Variants in CCR5AS observed in about 807,000 individuals in gnomAD.
CCR5AS encodes CCR5 antisense RNA.
intron 1 of CCR5AS, among the ~76,000 whole-genome samples, chr3:46,403,914 A>C (rs1209634987): frequency 6.6e-6 from 1 of 152,218 alleles, no homozygotes; most frequent in Non-Finnish European, 1.5e-5. Flanking sequence ...AAAACAAAAT[A>C]AAAACAAATC....
At chr3:46,404,382 C>T (rs1465433075) in intron 1 of CCR5AS, among the ~76,000 whole-genome samples, 4 of 141,448 alleles carry the variant, frequency 2.8e-5, no homozygotes, top group African/African-American at 5.4e-5. Context: ...TCACCCAGGC[C>T]GGAGTGCAGT....
intron 2 of CCR5AS, chr3:46,374,146 C>T (rs569458865): frequency 1.7e-4 from 74 of 424,648 alleles, no homozygotes; most frequent in African/African-American, 1.4e-3. Flanking sequence ...TTAAGCCCAT[C>T]AATTATAGAA....
At chr3:46,394,595 C>A (rs1191013028) in intron 1 of CCR5AS, among the ~76,000 whole-genome samples, 1 of 152,170 alleles carries the variant, frequency 6.6e-6, no homozygotes, top group East Asian at 1.9e-4. Flanking sequence ...GTCTCACATC[C>A]CCCAGCCAGC....
In CCR5AS at chr3:46,373,226, T is replaced by C. The variant is rs1701692134; in HGVS notation, n.392-1809A>G. On this transcript the variant is annotated intron_variant and non_coding_transcript_variant, in intron 2 of 3. Coordinates refer to ENST00000451485, the Ensembl canonical transcript of CCR5AS. ...TGTGTCAACTCTTGACAGGGCTCTA[T>C]TTTATAGGCTTCTTCTCTGGAATCT... The C allele has an allele frequency of 3.7e-6, 6 of 1,614,060 alleles. No homozygotes were observed. In the South Asian group the frequency reaches 5.5e-5, roughly 15 times the overall value.
At chr3:46,366,479 T>C (rs1003118918) in intron 3 of CCR5AS, among the ~76,000 whole-genome samples, 8 of 152,220 alleles carry the variant, frequency 5.3e-5, no homozygotes, top group African/African-American at 1.9e-4. Context: ...CCTAAATGCA[T>C]AGAGAAGACT....
At position 46,387,416 on chromosome 3, in the gene CCR5AS, T is replaced by C. The variant is rs548035160; in HGVS notation, n.391+5409A>G. ...GCTAGGCAAACCTGAGCCATCCTCT[T>C]CTTCTTGCAACTTGTGCCTGAAGTA... On this transcript the variant is annotated intron_variant and non_coding_transcript_variant, in intron 2 of 3. Coordinates refer to ENST00000451485, the Ensembl canonical transcript of CCR5AS. 2.5e-4 allele frequency among the ~76,000 whole-genome samples: 38 copies of C among 152,326 alleles called. No individual in the cohort carries two copies. The East Asian group carries it at 6.6e-3, about 26-fold the overall frequency.
chr3:46,378,611 C>T (rs1397958204), intron 2 of CCR5AS, among the ~76,000 whole-genome samples: 1 of 152,198 alleles, frequency 6.6e-6, no homozygotes, highest in African/African-American at 2.4e-5. Context: ...ATGGAGAAGA[C>T]ACACGAGGAG....
intron 3 of CCR5AS, among the ~76,000 whole-genome samples, chr3:46,367,921 C>T (rs780790097): frequency 6.6e-6 from 1 of 152,146 alleles, no homozygotes; most frequent in South Asian, 2.1e-4. Flanking sequence ...TTTTACAGCC[C>T]GTCTCACTGT....
intron 2 of CCR5AS, among the ~76,000 whole-genome samples, chr3:46,386,433 C>G (rs1047303346): frequency 3.9e-5 from 6 of 152,064 alleles, no homozygotes; most frequent in Non-Finnish European, 8.8e-5. Context: ...GTCCATAGAC[C>G]AAAGGGAAGT....
At chr3:46,386,246 G>T (rs1158691555) in intron 2 of CCR5AS, among the ~76,000 whole-genome samples, 1 of 152,094 alleles carries the variant, frequency 6.6e-6, no homozygotes, top group Non-Finnish European at 1.5e-5. Context: ...TGTGCATTTT[G>T]CTCTGCAATA....
At chr3:46,366,877 C>G (rs1701604815) in intron 3 of CCR5AS, among the ~76,000 whole-genome samples, 1 of 152,134 alleles carries the variant, frequency 6.6e-6, no homozygotes, top group Non-Finnish European at 1.5e-5. Flanking sequence ...AAAGGTGGCT[C>G]TAGGGACAGG....
chr3:46,372,878 T>C (rs1269370904), intron 2 of CCR5AS: 1 of 1,523,664 alleles, frequency 6.6e-7, no homozygotes, highest in East Asian at 2.3e-5. Context: ...AGATCACTTT[T>C]TATTTATGCA....
At chr3:46,387,224 G>A (rs1361648156) in intron 2 of CCR5AS, among the ~76,000 whole-genome samples, 3 of 152,180 alleles carry the variant, frequency 2.0e-5, no homozygotes, top group African/African-American at 7.2e-5. Context: ...TCGTGAGCAT[G>A]ATGCAGCCCT....
At chr3:46,390,393 G>A (rs567757250) in intron 2 of CCR5AS, among the ~76,000 whole-genome samples, 23 of 152,300 alleles carry the variant, frequency 1.5e-4, no homozygotes, top group South Asian at 8.3e-4. Context: ...GACTTGTCCG[G>A]TTTCTGGACG....
At chr3:46,365,780 C>T (rs144502655) in intron 3 of CCR5AS, among the ~76,000 whole-genome samples, 2,337 of 152,242 alleles carry the variant, frequency 0.015, 65 homozygotes, top group African/African-American at 0.053. Flanking sequence ...CTCATCTCAC[C>T]CAGAAAGTAG....
At chr3:46,393,293 C>A (rs553012531) in intron 1 of CCR5AS, among the ~76,000 whole-genome samples, 2 of 151,392 alleles carry the variant, frequency 1.3e-5, no homozygotes, top group African/African-American at 2.4e-5. Flanking sequence ...AAGGCAGGAG[C>A]GGCCTATTTT....
intron 2 of CCR5AS, among the ~76,000 whole-genome samples, chr3:46,372,453 G>A (rs1426652666): frequency 2.0e-5 from 3 of 152,196 alleles, no homozygotes; most frequent in East Asian, 1.9e-4. Flanking sequence ...GCTTGAGCCC[G>A]GGATGGTCCA....
intron 2 of CCR5AS, among the ~76,000 whole-genome samples, chr3:46,390,826 T>A (rs1015929972): frequency 3.9e-5 from 6 of 152,200 alleles, no homozygotes; most frequent in Non-Finnish European, 5.9e-5. Flanking sequence ...GGGGGAGTTT[T>A]AAGCGGTTTA....
At chr3:46,373,903 G>T in intron 2 of CCR5AS, 1 of 1,608,354 alleles carries the variant, frequency 6.2e-7, no homozygotes. Flanking sequence ...GCTCCCGAGC[G>T]AGCAAGCTCA....
Sources: gnomAD v4.1 joint callset for allele counts (sites outside exome capture counted in the v4.1 genomes callset) on GRCh38, gnomAD v4.1.1 for gene constraint, MANE v1.5 for transcripts, NCBI Gene and HGNC (gene_info 2026-07-23, HGNC 2026-07-21) for gene names.